NETO1: variants seen among roughly 807,000 people sequenced by gnomAD.
NETO1 encodes the protein neuropilin and tolloid like 1, also known as neuropilin and tolloid-like protein 1.
A neutral mutation model predicts 61.3 loss-of-function variants in NETO1; 26 were observed. That is an observed-to-expected ratio of 0.42 (90% CI 0.31 to 0.59). NETO1 has a LOEUF of 0.59. Ranked by LOEUF, NETO1 falls within the 20% of genes least tolerant of loss-of-function variation. The probability of loss-of-function intolerance (pLI) is 0.12; values close to 1 mark genes in which losing one functional copy is unlikely to be tolerated. For missense variants in NETO1, 531 were observed against 662.8 expected, an observed-to-expected ratio of 0.80 and a Z score of 2.18; for synonymous variants, 225 against 225.8, an observed-to-expected ratio of 1.00 and a Z score of 0.03.
chr18:72,746,297 C>A lies in NETO1; in HGVS notation c.*1882G>T, dbSNP rs1175317304. Among the ~76,000 whole-genome samples the A allele has an allele frequency of 6.6e-6, 1 of 151,918 alleles. No individual in the cohort carries two copies. The highest frequency in any genetic ancestry group is 1.5e-5 in the Non-Finnish European group (1 of 67,964). The stretch of plus-strand genomic sequence containing the variant: ...GATATGATTAATCCTTTAAAAAAAT[C>A]TTTGGTGTATTAATTTTAAATTAAA... On this transcript the variant is annotated 3_prime_UTR_variant, in exon 11 of 11. Transcript: ENST00000327305.
intron 7 of NETO1, among the ~76,000 whole-genome samples, chr18:72,775,509 G>T (rs1336704527): frequency 1.3e-5 from 2 of 152,142 alleles, no homozygotes; most frequent in African/African-American, 4.8e-5. Context: ...ATACTTGAGA[G>T]CCATGTGAAC....
chr18:72,765,353 C>T (rs1418736093), intron 7 of NETO1, among the ~76,000 whole-genome samples: 3 of 152,160 alleles, frequency 2.0e-5, no homozygotes, highest in Non-Finnish European at 4.4e-5. Context: ...AGTCTGGCAA[C>T]CAGATGTACC....
chr18:72,866,682 T>C, intron 1 of NETO1: 3 of 977,320 alleles, frequency 3.1e-6, no homozygotes, highest in Non-Finnish European at 3.6e-6. Context: ...TTTTACTCGA[T>C]GACTCGTGAT....
chr18:72,842,831 T>C lies in NETO1; in HGVS notation c.469+15995A>G, dbSNP rs146761083. ...TATAGCACACCTCATAGGTATAGCA[T>C]ACCTCATAGGTATGCTATAAACTAA... On this transcript the variant is annotated intron_variant, in intron 4 of 10. Coordinates refer to ENST00000327305, the MANE Select transcript of NETO1 (RefSeq NM_138966.5). 8.6e-3 allele frequency among the ~76,000 whole-genome samples: 1,307 copies of C among 152,282 alleles called. 18 individuals carry two copies. Among genetic ancestry groups the C allele is most frequent in the African/African-American group, 0.029 (1,222 of 41,576 alleles).
chr18:72,837,036 C>T lies in NETO1; in HGVS notation c.469+21790G>A, dbSNP rs192304224. Among the ~76,000 whole-genome samples the T allele has an allele frequency of 3.2e-4, 48 of 152,228 alleles. 1 individual carries two copies. The East Asian group carries it at 8.9e-3, about 28-fold the overall frequency. ...GGAAAAGGATAAGTCAAATATGTCTCGTGTGATGTGGACTTGAATTTCCGT... is the reference window on the plus strand; with the variant it reads ...GGAAAAGGATAAGTCAAATATGTCTTGTGTGATGTGGACTTGAATTTCCGT... On this transcript the variant is annotated intron_variant, in intron 4 of 10. Coordinates refer to ENST00000327305, the MANE Select transcript of NETO1 (RefSeq NM_138966.5).
At chr18:72,834,869 C>T (rs1327986495) in intron 4 of NETO1, 1 of 916,346 alleles carries the variant, frequency 1.1e-6, no homozygotes, top group Non-Finnish European at 1.3e-6. Flanking sequence ...GATTGTAATA[C>T]AAGAATAAAT....
At chr18:72,844,928 A>G (rs537899336) in intron 4 of NETO1, among the ~76,000 whole-genome samples, 4 of 141,442 alleles carry the variant, frequency 2.8e-5, no homozygotes, top group African/African-American at 9.8e-5. Context: ...TGTGGGAAGC[A>G]GCACTGAAGC....
At position 72,830,046 on chromosome 18, in the gene NETO1, G is replaced by A. The variant is rs1030466988; in HGVS notation, c.469+28780C>T. Among the ~76,000 whole-genome samples, 1 of 152,178 alleles carries A rather than the reference G, an allele frequency of 6.6e-6. No individual in the cohort carries two copies. The highest frequency in any genetic ancestry group is 1.5e-5 in the Non-Finnish European group (1 of 68,034). ...AAGGTTCAAGATAAAGGGATTTGGG[G>A]TGGATCATAGTGTGTGTCTGTGAGA... On this transcript the variant is annotated intron_variant, in intron 4 of 10. Transcript: ENST00000327305. This position sits in a 1 kb window ranked among gnomAD's most constrained non-coding sequence, Gnocchi z 4.9.
At chr18:72,765,766 C>T (rs2071133222) in intron 7 of NETO1, among the ~76,000 whole-genome samples, 1 of 152,088 alleles carries the variant, frequency 6.6e-6, no homozygotes, top group Non-Finnish European at 1.5e-5. Context: ...GCCATCTTCT[C>T]ATTAATGTCT....
intron 4 of NETO1, among the ~76,000 whole-genome samples, chr18:72,806,958 A>C (rs1426576063): frequency 6.6e-6 from 1 of 152,200 alleles, no homozygotes; most frequent in Non-Finnish European, 1.5e-5. Flanking sequence ...TTTTTTACTC[A>C]AGGTTGAAAA....
intron 4 of NETO1, among the ~76,000 whole-genome samples, chr18:72,843,817 C>T (rs1029476487): frequency 1.3e-5 from 2 of 152,148 alleles, no homozygotes; most frequent in Non-Finnish European, 1.5e-5. Context: ...TGGTAACTCG[C>T]TAAGATTGTT....
intron 8 of NETO1, among the ~76,000 whole-genome samples, chr18:72,755,512 A>T (rs2070753616): frequency 6.6e-6 from 1 of 152,152 alleles, no homozygotes; most frequent in Non-Finnish European, 1.5e-5. Flanking sequence ...TTGTGTATAG[A>T]CAAGGGAAGG....
chr18:72,783,584 G>T, intron 7 of NETO1, 94 bp downstream of exon 7: 1 of 1,003,284 alleles, frequency 1.0e-6, no homozygotes, highest in Non-Finnish European at 1.5e-6. Flanking sequence ...AGCCTGCTGT[G>T]CTCACTGTGT....
At chr18:72,761,776 A>C (rs2070981677) in intron 7 of NETO1, among the ~76,000 whole-genome samples, 1 of 152,240 alleles carries the variant, frequency 6.6e-6, no homozygotes, top group African/African-American at 2.4e-5. Context: ...TCTAATTTAA[A>C]AATTCCAATA....
intron 4 of NETO1, among the ~76,000 whole-genome samples, chr18:72,816,885 A>C (rs2073047893): frequency 6.6e-6 from 1 of 152,182 alleles, no homozygotes; most frequent in Non-Finnish European, 1.5e-5. Flanking sequence ...ACTTGGACCC[A>C]GTAAGGATGA....
At chr18:72,866,056 G>A (rs952736401) in intron 1 of NETO1, among the ~76,000 whole-genome samples, 5 of 152,184 alleles carry the variant, frequency 3.3e-5, no homozygotes, top group African/African-American at 4.8e-5. Context: ...TTTTACTTCC[G>A]TATTCTTGAT....
intron 4 of NETO1, among the ~76,000 whole-genome samples, chr18:72,840,464 G>A (rs540255554): frequency 3.9e-5 from 6 of 152,310 alleles, no homozygotes; most frequent in African/African-American, 1.2e-4. Context: ...TGCCAGTCAA[G>A]TATCTCACAT....
intron 4 of NETO1, chr18:72,834,723 T>C: frequency 1.0e-6 from 1 of 985,128 alleles, no homozygotes; most frequent in Non-Finnish European, 1.2e-6. Flanking sequence ...CTTCAGCTTT[T>C]ACTGTTTGAT....
chr18:72,784,144 T>C (rs1427724867), intron 6 of NETO1, among the ~76,000 whole-genome samples: 6 of 152,236 alleles, frequency 3.9e-5, no homozygotes, highest in Admixed American at 3.9e-4. Context: ...TGAGTATTTT[T>C]ACCCAAATTC....
Sources: allele counts gnomAD v4.1 joint callset (sites outside exome capture counted in the v4.1 genomes callset), GRCh38; gene constraint gnomAD v4.1.1; non-coding constraint Gnocchi (gnomAD v3.1); transcripts MANE v1.5; gene names NCBI Gene and HGNC (gene_info 2026-07-23, HGNC 2026-07-21).